The following KCTD5 variants were observed in gnomAD, a reference collection of about 807,000 sequenced individuals.
KCTD5 encodes BTB/POZ domain-containing protein KCTD5.
A neutral mutation model predicts 27.9 loss-of-function variants in KCTD5; 12 were observed. The observed-to-expected ratio is 0.43, with a 90% CI of 0.28 to 0.70. The LOEUF (loss-of-function observed/expected upper bound fraction) is 0.70, where lower values mean the gene tolerates loss of function less well. Ranked by LOEUF, KCTD5 falls within the 30% of genes least tolerant of loss-of-function variation. KCTD5 has a pLI of 0.19. For missense variants in KCTD5, 226 were observed against 274.8 expected, an observed-to-expected ratio of 0.82 and a Z score of 1.26; for synonymous variants, 147 against 121.4, an observed-to-expected ratio of 1.21 and a Z score of -1.39.
At chr16:2,703,624 T>G (rs758503232) in intron 5 of KCTD5, among the ~76,000 whole-genome samples, 3 of 152,134 alleles carry the variant, frequency 2.0e-5, no homozygotes, top group Non-Finnish European at 4.4e-5. Flanking sequence ...CCGCCAAGCA[T>G]GTCTCTCGGA....
At chr16:2,704,107 C>T (rs1239817760) in intron 5 of KCTD5, among the ~76,000 whole-genome samples, 3 of 152,244 alleles carry the variant, frequency 2.0e-5, no homozygotes, top group Non-Finnish European at 2.9e-5. Context: ...ACCCCAAATC[C>T]CTTTGTGGTT....
At chr16:2,690,690 G>A (rs979053560) in intron 1 of KCTD5, among the ~76,000 whole-genome samples, 1 of 152,216 alleles carries the variant, frequency 6.6e-6, no homozygotes, top group African/African-American at 2.4e-5. Context: ...TCGTAGAGGC[G>A]TGAGCGGGCC....
intron 5 of KCTD5, among the ~76,000 whole-genome samples, chr16:2,703,700 G>A (rs1043314408): frequency 2.0e-5 from 3 of 152,196 alleles, no homozygotes; most frequent in African/African-American, 2.4e-5. Context: ...AGCCTCCCTC[G>A]CTGGCCACCC....
chr16:2,702,148 G>T (rs565117116), intron 4 of KCTD5, among the ~76,000 whole-genome samples: 7 of 152,306 alleles, frequency 4.6e-5, no homozygotes, highest in South Asian at 2.1e-4. Context: ...GGAAGAGCTC[G>T]CCCCATGCCA....
intron 5 of KCTD5, among the ~76,000 whole-genome samples, chr16:2,706,186 G>A (rs2067635005): frequency 6.6e-6 from 1 of 152,224 alleles, no homozygotes; most frequent in South Asian, 2.1e-4. Flanking sequence ...GGGAACGGCA[G>A]AGCTGTTGGG....
chr16:2,698,681 C>G (rs1041864490), intron 3 of KCTD5, among the ~76,000 whole-genome samples: 2 of 151,276 alleles, frequency 1.3e-5, no homozygotes, highest in Non-Finnish European at 2.9e-5. Flanking sequence ...TCAGAAGTCT[C>G]GGTCCACGTA....
chr16:2,708,008 A>G lies in KCTD5; in HGVS notation c.*681A>G, dbSNP rs1401019787. ...TTGTACCCCTTCTCTGTGTGGATAG[A>G]CTCCCCAGCGTTTTTCCTCTGGAAA... is the stretch of plus-strand genomic sequence containing the variant. On this transcript the variant is annotated 3_prime_UTR_variant, in exon 6 of 6. Coordinates refer to ENST00000301738, the MANE Select transcript of KCTD5 (RefSeq NM_018992.4). 2 of 152,842 alleles carry G rather than the reference A, an allele frequency of 1.3e-5. No homozygotes were observed. The highest frequency in any genetic ancestry group is 2.9e-5 in the Non-Finnish European group (2 of 68,590). The allele number at this position is 152,842 out of a possible 1,614,324, so 9.5% of individuals were successfully genotyped here.
At chr16:2,688,554 A>G (rs2067552976) in intron 1 of KCTD5, among the ~76,000 whole-genome samples, 1 of 151,134 alleles carries the variant, frequency 6.6e-6, no homozygotes, top group East Asian at 2.0e-4. Flanking sequence ...ACTTTTAGGA[A>G]GGATATGCTA....
At chr16:2,682,845 C>G in intron 1 of KCTD5, 45 bp downstream of exon 1, 1 of 1,532,494 alleles carries the variant, frequency 6.5e-7, no homozygotes. Flanking sequence ...GCCTTCCCGG[C>G]CTGCGGCTCC....
intron 1 of KCTD5, among the ~76,000 whole-genome samples, chr16:2,687,126 A>C (rs758638038): frequency 6.6e-6 from 1 of 152,208 alleles, no homozygotes; most frequent in African/African-American, 2.4e-5. Flanking sequence ...GGTCCTCAGC[A>C]AACCTGTGCT....
chr16:2,687,818 C>T (rs2067547015), intron 1 of KCTD5, among the ~76,000 whole-genome samples: 1 of 152,148 alleles, frequency 6.6e-6, no homozygotes, highest in South Asian at 2.1e-4. Flanking sequence ...TGCCTGGCGC[C>T]ATGGGAGGGG....
At chr16:2,697,070 G>C (rs1414054920) in intron 2 of KCTD5, 2 of 152,450 alleles carry the variant, frequency 1.3e-5, no homozygotes, top group Admixed American at 6.5e-5. Context: ...TCACGCCCTG[G>C]GTGCTAGAGA....
In KCTD5 at chr16:2,708,686, A is replaced by C. The variant is rs921728628; in HGVS notation, c.*1359A>C. On this transcript the variant is annotated 3_prime_UTR_variant, in exon 6 of 6. Coordinates refer to ENST00000301738, the MANE Select transcript of KCTD5 (RefSeq NM_018992.4). The stretch of plus-strand genomic sequence containing the variant: ...TAGGACTTACCTCCTTCTTTTTGTA[A>C]GGTCTCTTGTATGTTGTTAAATGTT... The C allele has an allele frequency of 9.9e-5, 15 of 152,186 alleles. No homozygotes were observed. The highest frequency in any genetic ancestry group is 3.6e-4 in the African/African-American group (15 of 41,452). The allele number at this position is 152,186 out of a possible 1,614,324, so 9.4% of individuals were successfully genotyped here. A position where few individuals can be genotyped will look rare whatever the true frequency, so the allele number is the denominator to read the frequency against.
At chr16:2,693,602 C>T (rs1196204710) in intron 1 of KCTD5, among the ~76,000 whole-genome samples, 1 of 152,254 alleles carries the variant, frequency 6.6e-6, no homozygotes, top group Non-Finnish European at 1.5e-5. Flanking sequence ...TGGCCGTCCC[C>T]ACCCTGCCCT....
intron 1 of KCTD5, among the ~76,000 whole-genome samples, chr16:2,688,470 C>G (rs1162509067): frequency 3.9e-5 from 6 of 152,036 alleles, no homozygotes; most frequent in Non-Finnish European, 8.8e-5. Flanking sequence ...AGGCTGGTCT[C>G]GAACTCCTGA....
rs528625757 is a variant in KCTD5 at position 2,688,346 on chromosome 16, G to A, written c.252+5546G>A. Among the ~76,000 whole-genome samples the A allele has an allele frequency of 4.0e-4, 60 of 151,572 alleles. 1 individual carries two copies. Among genetic ancestry groups the A allele is most frequent in the African/African-American group, 1.3e-3 (55 of 41,248 alleles). ...GCTCACTGCAACCTCTGCCTCCTGG[G>A]TTCAAGCATTTCTCCTGCCCCACCC... is the stretch of plus-strand genomic sequence containing the variant. On this transcript the variant is annotated intron_variant, in intron 1 of 5. Transcript: ENST00000301738.
chr16:2,706,209 G>A (rs941140351), intron 5 of KCTD5, among the ~76,000 whole-genome samples: 4 of 152,176 alleles, frequency 2.6e-5, no homozygotes. Flanking sequence ...GTGGAGTATT[G>A]GAGTCAGGCT....
chr16:2,682,870 T>G, intron 1 of KCTD5, 70 bp downstream of exon 1: 2 of 1,490,648 alleles, frequency 1.3e-6, no homozygotes, highest in South Asian at 1.3e-5. Flanking sequence ...CACGCCCTGC[T>G]TCGTGCGGAG....
chr16:2,699,676 A>C (rs568685300), intron 3 of KCTD5, 145 bp from the exon 4 acceptor site: 294 of 639,290 alleles, frequency 4.6e-4, no homozygotes, highest in Non-Finnish European at 7.1e-4. Flanking sequence ...GCTTTTGTGG[A>C]TGTGCTCAGG....
Sources: gnomAD v4.1 joint callset for allele counts (sites outside exome capture counted in the v4.1 genomes callset) on GRCh38, gnomAD v4.1.1 for gene constraint, MANE v1.5 for transcripts, NCBI Gene and HGNC (gene_info 2026-07-23, HGNC 2026-07-21) for gene names.